CNOT6L: variants seen among roughly 807,000 people sequenced by gnomAD.
CNOT6L encodes CCR4-NOT transcription complex subunit 6 like, also known as CCR4-NOT transcription complex subunit 6-like.
CNOT6L carries 7 observed loss-of-function variants against 64.0 expected under a neutral mutation model. The observed-to-expected ratio is 0.11, with a 90% CI of 0.06 to 0.21. The LOEUF is 0.21. Among genes scored for constraint, CNOT6L ranks in the 10% least tolerant of loss-of-function variants. The pLI is 1.00. For missense variants in CNOT6L, 245 were observed against 669.0 expected, an observed-to-expected ratio of 0.37 and a Z score of 6.99; for synonymous variants, 193 against 243.4, an observed-to-expected ratio of 0.79 and a Z score of 1.93.
intron 4 of CNOT6L, among the ~76,000 whole-genome samples, chr4:77,757,356 G>A (rs1392792933): frequency 3.3e-5 from 5 of 152,076 alleles, no homozygotes; most frequent in African/African-American, 4.8e-5. Context: ...AAGGGTCTTC[G>A]TAGAATATTT....
At chr4:77,785,696 G>C (rs557621755) in intron 1 of CNOT6L, among the ~76,000 whole-genome samples, 13 of 152,256 alleles carry the variant, frequency 8.5e-5, no homozygotes, top group African/African-American at 1.2e-4. Flanking sequence ...AAACCACAAT[G>C]AGATATCGCT....
intron 10 of CNOT6L, among the ~76,000 whole-genome samples, chr4:77,727,067 G>C (rs368168218): frequency 2.6e-5 from 4 of 152,290 alleles, no homozygotes; most frequent in East Asian, 3.9e-4. Context: ...CACTGTTAGA[G>C]TCATCTTTCT....
At chr4:77,750,518 A>AT (rs1024077837) in intron 5 of CNOT6L, among the ~76,000 whole-genome samples, 7 of 151,608 alleles carry the variant, frequency 4.6e-5, no homozygotes, top group Admixed American at 3.3e-4. Flanking sequence ...CACCCAGCTA[A>AT]TTTTTTTTGT....
intron 4 of CNOT6L, among the ~76,000 whole-genome samples, chr4:77,762,152 T>C (rs1013304475): frequency 3.3e-5 from 5 of 152,172 alleles, no homozygotes; most frequent in African/African-American, 1.2e-4. Context: ...GTATTGATTA[T>C]CCACAAACTG....
chr4:77,790,879 C>T (rs905731069), intron 1 of CNOT6L, among the ~76,000 whole-genome samples: 7 of 149,946 alleles, frequency 4.7e-5, no homozygotes, highest in South Asian at 2.1e-4. Flanking sequence ...AGGCTGGTCT[C>T]GAACACTCCT....
At chr4:77,783,107 C>T (rs1169221567) in intron 1 of CNOT6L, among the ~76,000 whole-genome samples, 1 of 119,848 alleles carries the variant, frequency 8.3e-6, no homozygotes, top group African/African-American at 3.2e-5. Flanking sequence ...TTAAAAAAGA[C>T]TTAATTCCAA....
At chr4:77,797,617 A>C (rs982399485) in intron 1 of CNOT6L, among the ~76,000 whole-genome samples, 2 of 152,208 alleles carry the variant, frequency 1.3e-5, no homozygotes, top group Non-Finnish European at 2.9e-5. Context: ...GCCAAAAAGA[A>C]ACCATAAGGG....
In CNOT6L at chr4:77,734,037, T is replaced by A. The variant is rs550779387; in HGVS notation, c.873-2499A>T. Among the ~76,000 whole-genome samples the A allele has an allele frequency of 3.3e-5, 5 of 152,310 alleles. No homozygotes were observed. The South Asian group carries it at 1.0e-3, about 32-fold the overall frequency. On this transcript the variant is annotated intron_variant, in intron 8 of 11. Transcript: ENST00000504123. ...TACCCAAAGGTGCAGTACCTATAAC[T>A]GGGCATAAATGAACTACAGCCTTCT...
chr4:77,796,945 C>A (rs557423689), intron 1 of CNOT6L, among the ~76,000 whole-genome samples: 36 of 151,620 alleles, frequency 2.4e-4, no homozygotes, highest in African/African-American at 8.5e-4. Flanking sequence ...ATTAGCTGGG[C>A]ATGGTGGTGT....
intron 1 of CNOT6L, among the ~76,000 whole-genome samples, chr4:77,811,486 G>T (rs187891883): frequency 5.3e-5 from 8 of 152,252 alleles, no homozygotes; most frequent in Admixed American, 5.2e-4. Context: ...GGCGGAGGTT[G>T]CAGTGAGCTG....
intron 5 of CNOT6L, among the ~76,000 whole-genome samples, chr4:77,755,029 T>C (rs947810661): frequency 1.3e-5 from 2 of 149,282 alleles, no homozygotes; most frequent in Admixed American, 6.7e-5. Flanking sequence ...TGGACTGGAG[T>C]ACATTAAAAT....
At chr4:77,739,510 G>C (rs2109930279) in intron 8 of CNOT6L, among the ~76,000 whole-genome samples, 1 of 152,282 alleles carries the variant, frequency 6.6e-6, no homozygotes, top group Non-Finnish European at 1.5e-5. Flanking sequence ...CCAGTCTGAA[G>C]AAAGAATAAA....
chr4:77,756,748 A>T (rs1410832835), intron 5 of CNOT6L, 114 bp downstream of exon 5: 5 of 592,800 alleles, frequency 8.4e-6, no homozygotes, highest in Non-Finnish European at 1.5e-5. Context: ...CAATGGAAGG[A>T]ACTCCAAACC....
chr4:77,756,596 T>A (rs62302667), intron 5 of CNOT6L, among the ~76,000 whole-genome samples: 96 of 152,340 alleles, frequency 6.3e-4, no homozygotes, highest in Non-Finnish European at 1.3e-3. Flanking sequence ...ATCTCAGAAT[T>A]TGCATCTCTA....
intron 6 of CNOT6L, among the ~76,000 whole-genome samples, chr4:77,747,017 A>G (rs887993021): frequency 1.2e-4 from 18 of 151,908 alleles, no homozygotes; most frequent in African/African-American, 3.9e-4. Context: ...TGAAGAGGCT[A>G]TATATCCCAC....
chr4:77,806,069 C>T (rs1482882365), intron 1 of CNOT6L, among the ~76,000 whole-genome samples: 4 of 152,080 alleles, frequency 2.6e-5, no homozygotes, highest in Non-Finnish European at 5.9e-5. Context: ...TTTAAAAGGC[C>T]TCCTTCTTCC....
intron 1 of CNOT6L, among the ~76,000 whole-genome samples, chr4:77,804,443 A>G (rs116701333): frequency 0.048 from 7,231 of 151,968 alleles, 249 homozygotes; most frequent in Non-Finnish European, 0.072. Flanking sequence ...AAAAAAAAAA[A>G]GGAATGAAAT....
At chr4:77,778,781 A>G (rs1181884650) in intron 1 of CNOT6L, among the ~76,000 whole-genome samples, 1 of 151,574 alleles carries the variant, frequency 6.6e-6, no homozygotes, top group Non-Finnish European at 1.5e-5. Context: ...ACGGTGGCTC[A>G]CGCATGTAAT....
intron 1 of CNOT6L, among the ~76,000 whole-genome samples, chr4:77,797,397 T>C (rs1730986688): frequency 1.3e-5 from 2 of 152,230 alleles, no homozygotes; most frequent in South Asian, 2.1e-4. Flanking sequence ...AGTAGTGTGA[T>C]GAAATCTCCT....
Sources: allele counts gnomAD v4.1 joint callset (sites outside exome capture counted in the v4.1 genomes callset), GRCh38; gene constraint gnomAD v4.1.1; transcripts MANE v1.5; gene names NCBI Gene and HGNC (gene_info 2026-07-23, HGNC 2026-07-21).